Variants in MAST2 observed in about 807,000 individuals in gnomAD.
MAST2 encodes microtubule associated serine/threonine kinase 2.
MAST2 carries 70 observed loss-of-function variants against 147.4 expected under a neutral mutation model. That is an observed-to-expected ratio of 0.47 (90% CI 0.39 to 0.58). MAST2 has a LOEUF of 0.58. Among genes scored for constraint, MAST2 ranks in the 20% least tolerant of loss-of-function variants. The pLI, the probability that MAST2 is intolerant of heterozygous loss-of-function variation, is 0.00. For missense variants in MAST2, 2,080 were observed against 2,302.3 expected, an observed-to-expected ratio of 0.90 and a Z score of 1.98; for synonymous variants, 869 against 896.8, an observed-to-expected ratio of 0.97 and a Z score of 0.55.
At chr1:45,913,612 C>T (rs1652003989) in intron 4 of MAST2, 1 of 994,560 alleles carries the variant, frequency 1.0e-6, no homozygotes, top group South Asian at 4.3e-5. Flanking sequence ...TGGAACTTGT[C>T]ACTGTCCCAC....
chr1:45,993,692 A>AT (rs989945682), intron 5 of MAST2, among the ~76,000 whole-genome samples: 11 of 151,442 alleles, frequency 7.3e-5, no homozygotes, highest in Middle Eastern at 3.2e-3. Flanking sequence ...TCAAAAAAAA[A>AT]TTTTTTTTTG....
chr1:45,931,180 C>A (rs1454039005), intron 4 of MAST2, among the ~76,000 whole-genome samples: 1 of 152,118 alleles, frequency 6.6e-6, no homozygotes, highest in Admixed American at 6.5e-5. Flanking sequence ...TACTGTTATT[C>A]GTCTTCTATC....
intron 5 of MAST2, among the ~76,000 whole-genome samples, chr1:45,963,436 C>T (rs1340790529): frequency 6.6e-6 from 1 of 152,160 alleles, no homozygotes; most frequent in African/African-American, 2.4e-5. Context: ...TCTTTTATTT[C>T]ATTGAGCAGT....
At chr1:45,887,490 A>G (rs1647147054) in intron 4 of MAST2, among the ~76,000 whole-genome samples, 1 of 152,282 alleles carries the variant, frequency 6.6e-6, no homozygotes, top group Admixed American at 6.5e-5. Context: ...GTGGACTTAG[A>G]TACCAGATAT....
chr1:45,960,634 T>C (rs1456246417), intron 5 of MAST2, among the ~76,000 whole-genome samples: 5 of 152,232 alleles, frequency 3.3e-5, no homozygotes, highest in Admixed American at 1.3e-4. Context: ...AGGTATATTC[T>C]TGTATCCCAG....
At chr1:45,848,197 A>AT (rs1327113894) in intron 3 of MAST2, among the ~76,000 whole-genome samples, 1 of 152,224 alleles carries the variant, frequency 6.6e-6, no homozygotes, top group African/African-American at 2.4e-5. Context: ...AACCATTAAT[A>AT]TAGCAGTCCT....
At chr1:45,983,295 A>G (rs1644484726) in intron 5 of MAST2, among the ~76,000 whole-genome samples, 1 of 152,188 alleles carries the variant, frequency 6.6e-6, no homozygotes, top group Non-Finnish European at 1.5e-5. Context: ...TCATTCTGGT[A>G]GGTGTCACCA....
At chr1:45,818,796 C>A (rs977563413) in intron 1 of MAST2, among the ~76,000 whole-genome samples, 2 of 152,176 alleles carry the variant, frequency 1.3e-5, no homozygotes, top group South Asian at 4.1e-4. Flanking sequence ...GTCTCCTTTG[C>A]TTTACGACCC....
intron 4 of MAST2, among the ~76,000 whole-genome samples, chr1:45,932,490 G>A (rs752396019): frequency 6.6e-6 from 1 of 151,828 alleles, no homozygotes; most frequent in African/African-American, 2.4e-5. Context: ...CCTGGCCAAC[G>A]TGGTGAAACC....
In MAST2 at chr1:45,816,221, AAG is replaced by A. The variant is rs144287036; in HGVS notation, c.178-8190_178-8189del. Among the ~76,000 whole-genome samples, 519 of 134,520 alleles carry A rather than the reference AAG, an allele frequency of 3.9e-3. 2 individuals carry two copies. Among genetic ancestry groups the A allele is most frequent in the East Asian group, 0.025 (108 of 4,350 alleles). 88.3% of individuals were successfully genotyped at this position (134,520 alleles called of 152,430 possible). A position where few individuals can be genotyped will look rare whatever the true frequency, so the allele number is the denominator to read the frequency against. ...GGGGTGGGGGGGAGAGAGAGAGAGA[AAG>A]AGAGAGAGAGAGAGAGAGAGACCCA... is the stretch of plus-strand genomic sequence containing the variant. On this transcript the variant is annotated intron_variant, in intron 1 of 28. Coordinates refer to ENST00000361297, the MANE Select transcript of MAST2 (RefSeq NM_015112.3).
chr1:45,970,935 A>G (rs552798364), intron 5 of MAST2, among the ~76,000 whole-genome samples: 1 of 151,716 alleles, frequency 6.6e-6, no homozygotes, highest in South Asian at 2.1e-4. Flanking sequence ...AGAGTATTTC[A>G]TTGTATAACT....
At chr1:45,937,196 G>C (rs1019068169) in intron 4 of MAST2, among the ~76,000 whole-genome samples, 5 of 151,716 alleles carry the variant, frequency 3.3e-5, no homozygotes, top group African/African-American at 1.2e-4. Context: ...TCAGCCTCCT[G>C]AGTAGCTGAG....
intron 4 of MAST2, among the ~76,000 whole-genome samples, chr1:45,897,078 C>T (rs556847847): frequency 3.9e-5 from 6 of 152,316 alleles, no homozygotes; most frequent in African/African-American, 1.2e-4. Context: ...CATTTATTCA[C>T]TTCTTTACTT....
At chr1:46,017,340 G>A (rs1377500964) in intron 10 of MAST2, among the ~76,000 whole-genome samples, 4 of 152,126 alleles carry the variant, frequency 2.6e-5, no homozygotes, top group Non-Finnish European at 4.4e-5. Context: ...CTAATTAAAC[G>A]AAAGAGCTGC....
rs1646652401 is a variant in MAST2, at chr1:46,031,247, G to A, written c.2949G>A (p.Lys983=). ...AACACTCAGGGGAGCAGCGGCCAAA[G>A]CTGGATGAGGAAGCTGTTGGCCGGA... ...VTEHSGEQRP[K]LDEEAVGRSS... Residue 983 remains lysine, a synonymous_variant, in exon 23 of 29, where the codon AAG becomes AAA. Coordinates refer to ENST00000361297, the MANE Select transcript of MAST2 (RefSeq NM_015112.3). This position sits in a 1 kb window ranked among gnomAD's most constrained non-coding sequence, Gnocchi z 4.1. The A allele has an allele frequency of 6.5e-7, 1 of 1,537,402 alleles. No individual in the cohort carries two copies. Among genetic ancestry groups the A allele is most frequent in the East Asian group, 2.3e-5 (1 of 44,092 alleles).
intron 5 of MAST2, among the ~76,000 whole-genome samples, chr1:45,978,974 A>T (rs1644288031): frequency 6.6e-6 from 1 of 152,108 alleles, no homozygotes; most frequent in South Asian, 2.1e-4. Context: ...TATACTAAAA[A>T]CCTCTAAACT....
chr1:45,836,892 G>C (rs1193041548), intron 3 of MAST2, among the ~76,000 whole-genome samples: 1 of 152,138 alleles, frequency 6.6e-6, no homozygotes, highest in Non-Finnish European at 1.5e-5. Context: ...TCCACAGATG[G>C]GTGGAGGGGG....
intron 11 of MAST2, among the ~76,000 whole-genome samples, chr1:46,020,365 GTTT>G (rs1450681835): frequency 2.0e-5 from 3 of 152,094 alleles, no homozygotes; most frequent in African/African-American, 7.2e-5. Flanking sequence ...CACAGGGTGG[GTTT>G]GAAGAAGTGC....
chr1:45,952,738 T>C (rs1406662871), intron 4 of MAST2, among the ~76,000 whole-genome samples: 1 of 152,138 alleles, frequency 6.6e-6, no homozygotes, highest in South Asian at 2.1e-4. Flanking sequence ...ACTTGCTAAA[T>C]TAGCAGTGGA....
Sources: allele counts gnomAD v4.1 joint callset (sites outside exome capture counted in the v4.1 genomes callset), GRCh38; gene constraint gnomAD v4.1.1; non-coding constraint Gnocchi (gnomAD v3.1); transcripts MANE v1.5; gene names NCBI Gene and HGNC (gene_info 2026-07-23, HGNC 2026-07-21).